The following ZFHX3 variants were observed in gnomAD, a reference collection of about 807,000 sequenced individuals.
ZFHX3 encodes zinc finger homeobox protein 3.
ZFHX3 carries 42 observed loss-of-function variants against 279.1 expected under a neutral mutation model. The observed-to-expected ratio is 0.15, with a 90% confidence interval of 0.12 to 0.19. ZFHX3 has a LOEUF of 0.19. Among genes scored for constraint, ZFHX3 ranks in the 10% least tolerant of loss-of-function variants. ZFHX3 has a pLI of 1.00. For synonymous variants in ZFHX3, 2,293 were observed against 1,957.8 expected (o/e 1.17, Z -4.52); for missense variants, 4,981 against 4,754.0 (o/e 1.05, Z -1.40).
In ZFHX3 at chr16:73,804,876, C is replaced by G. The variant is rs541416001; in HGVS notation, c.-1608+86775G>C. 6.8e-5 allele frequency among the ~76,000 whole-genome samples: 9 copies of G among 131,594 alleles called. No individual in the cohort carries two copies. The East Asian group carries it at 2.0e-3, about 29-fold the overall frequency. 86.3% of individuals were successfully genotyped at this position (131,594 alleles called of 152,430 possible). A position where few individuals can be genotyped will look rare whatever the true frequency, so the allele number is the denominator to read the frequency against. On this transcript the variant is annotated intron_variant, in intron 1 of 17. Coordinates refer to the ZFHX3 transcript ENST00000641206. ...CTACATACACACTTAACACACCACACACACACACCCACACCAAAGAGGGAG... is the reference window on the plus strand; with the variant it reads ...CTACATACACACTTAACACACCACAGACACACACCCACACCAAAGAGGGAG...
Position 72,959,261 on chromosome 16 carries a change from A to G in ZFHX3, c.885T>C (p.Arg295=). 6.2e-7 allele frequency: 1 copy of G among 1,614,178 alleles called. No homozygotes were observed. The highest frequency in any genetic ancestry group is 1.1e-5 in the South Asian group (1 of 91,084). Residue 295 remains arginine (R), a synonymous_variant, in exon 2 of 10, where the codon CGT becomes CGC. Transcript: ENST00000268489. ...CATGCACCGCGTGGGTCACAAACGA[A>G]CGGACGTACCCAAAGGAGAGTTTGC... ...FLCKLSFGYV[R]SFVTHAVHDH... is the part of the protein sequence containing the mutation.
chr16:73,073,076 T>C (rs2144757604), intron 8 of ZFHX3, among the ~76,000 whole-genome samples: 1 of 152,048 alleles, frequency 6.6e-6, no homozygotes, highest in African/African-American at 2.4e-5. Context: ...TTTTCTATTT[T>C]AGTAGAGACG....
At chr16:73,511,945 A>G (rs1348840674) in intron 2 of ZFHX3, among the ~76,000 whole-genome samples, 1 of 152,124 alleles carries the variant, frequency 6.6e-6, no homozygotes, top group African/African-American at 2.4e-5. Flanking sequence ...ACCCAACATG[A>G]GCCAGGTTCC....
At chr16:73,423,089 T>C (rs2017747051) in intron 3 of ZFHX3, among the ~76,000 whole-genome samples, 1 of 152,146 alleles carries the variant, frequency 6.6e-6, no homozygotes, top group African/African-American at 2.4e-5. Context: ...TCTAACTTAA[T>C]TACCTCTTCA....
intron 1 of ZFHX3, among the ~76,000 whole-genome samples, chr16:73,029,972 C>G (rs940388373): frequency 7.9e-5 from 12 of 152,220 alleles, no homozygotes; most frequent in African/African-American, 2.9e-4. Context: ...TGGGACTCCT[C>G]TTTGATCCTC....
chr16:73,589,094 A>G (rs1400775678), intron 2 of ZFHX3, among the ~76,000 whole-genome samples: 1 of 151,160 alleles, frequency 6.6e-6, no homozygotes, highest in Non-Finnish European at 1.5e-5. Context: ...CTCCATCTCT[A>G]CTAAAAATAC....
At chr16:73,853,914 T>A (rs531396102) in intron 1 of ZFHX3, among the ~76,000 whole-genome samples, 3 of 152,254 alleles carry the variant, frequency 2.0e-5, no homozygotes, top group East Asian at 3.9e-4. Context: ...TGACAATAGG[T>A]TCTCCTATTA....
At chr16:73,066,741 C>A (rs1965760349) in intron 8 of ZFHX3, among the ~76,000 whole-genome samples, 1 of 152,216 alleles carries the variant, frequency 6.6e-6, no homozygotes, top group African/African-American at 2.4e-5. Flanking sequence ...CCAGGGCCCA[C>A]GCCGCCCAGG....
intron 1 of ZFHX3, among the ~76,000 whole-genome samples, chr16:73,853,593 C>T (rs1961644448): frequency 6.6e-6 from 1 of 152,266 alleles, no homozygotes; most frequent in Admixed American, 6.5e-5. Context: ...AAACCAAATA[C>T]TGCATGTTCT....
intron 3 of ZFHX3, among the ~76,000 whole-genome samples, chr16:73,362,594 C>T (rs781671536): frequency 6.6e-5 from 10 of 152,176 alleles, no homozygotes; most frequent in Non-Finnish European, 8.8e-5. Context: ...TCAGAACCAC[C>T]GATGAATTCA....
chr16:73,638,075 G>C (rs1009564229), intron 2 of ZFHX3, among the ~76,000 whole-genome samples: 2 of 152,102 alleles, frequency 1.3e-5, no homozygotes, highest in African/African-American at 4.8e-5. Context: ...GTTAATATGA[G>C]TATAAATTTA....
chr16:72,813,658 A>T (rs2036525036), intron 5 of ZFHX3, among the ~76,000 whole-genome samples: 1 of 152,188 alleles, frequency 6.6e-6, no homozygotes. Context: ...ACACACATTC[A>T]TAACAGTATT....
intron 1 of ZFHX3, among the ~76,000 whole-genome samples, chr16:72,985,789 C>T (rs1014169675): frequency 7.2e-5 from 11 of 152,062 alleles, no homozygotes; most frequent in African/African-American, 2.4e-4. Flanking sequence ...AGCAGTCTTC[C>T]GCCCAACCAG....
intron 4 of ZFHX3, among the ~76,000 whole-genome samples, chr16:73,313,708 AGC>A (rs1443997386): frequency 6.6e-6 from 1 of 152,212 alleles, no homozygotes; most frequent in Non-Finnish European, 1.5e-5. Flanking sequence ...ACATGTACAC[AGC>A]CCACACTATG....
chr16:73,197,422 T>C (rs73597314), intron 5 of ZFHX3, among the ~76,000 whole-genome samples: 1,929 of 152,266 alleles, frequency 0.013, 35 homozygotes, highest in African/African-American at 0.042. Context: ...ACCATGTCTG[T>C]TGTCTGTTGT....
At chr16:73,220,309 A>C (rs537038338) in intron 5 of ZFHX3, among the ~76,000 whole-genome samples, 1 of 152,130 alleles carries the variant, frequency 6.6e-6, no homozygotes, top group Non-Finnish European at 1.5e-5. Context: ...CAATACTTTC[A>C]TGCAACAAAT....
intron 1 of ZFHX3, among the ~76,000 whole-genome samples, chr16:73,039,579 A>G (rs1007212304): frequency 1.3e-5 from 2 of 152,194 alleles, no homozygotes; most frequent in South Asian, 2.1e-4. Flanking sequence ...GGGATACTAA[A>G]TGTCCTACAA....
intron 2 of ZFHX3, among the ~76,000 whole-genome samples, chr16:73,669,074 T>C (rs76202219): frequency 6.6e-6 from 1 of 150,946 alleles, no homozygotes; most frequent in African/African-American, 2.4e-5. Context: ...CTATTTTCTA[T>C]TTTTTTTTAA....
intron 4 of ZFHX3, among the ~76,000 whole-genome samples, chr16:72,882,982 GTGTGTGTGTGTGTGTGTGTGTGTGT>G (rs2038526818): frequency 1.9e-3 from 40 of 20,816 alleles, no homozygotes; most frequent in African/African-American, 4.6e-3. Context: ...TCTGGGGTGT[GTGTGTGTGTGTGTGTGTGTGTGTGT>G]GTGTGTGTGT....
Sources: allele counts gnomAD v4.1 joint callset (sites outside exome capture counted in the v4.1 genomes callset), GRCh38; gene constraint gnomAD v4.1.1; transcripts MANE v1.5; gene names NCBI Gene and HGNC (gene_info 2026-07-23, HGNC 2026-07-21).